Variants in GDAP1L1 observed in about 807,000 individuals in gnomAD.
GDAP1L1 encodes the protein ganglioside induced differentiation associated protein 1 like 1.
GDAP1L1 carries 21 observed loss-of-function variants against 37.1 expected under a neutral mutation model. That is an observed-to-expected ratio of 0.57 (90% confidence interval 0.40 to 0.81). The LOEUF (loss-of-function observed/expected upper bound fraction) is 0.81, where lower values mean the gene tolerates loss of function less well. Among genes scored for constraint, GDAP1L1 ranks in the 40% least tolerant of loss-of-function variants. The pLI is 0.00. For synonymous variants in GDAP1L1, 193 were observed against 209.1 expected, an observed-to-expected ratio of 0.92 and a Z score of 0.67; for missense variants, 362 against 491.6, an observed-to-expected ratio of 0.74 and a Z score of 2.49.
intron 5 of GDAP1L1, among the ~76,000 whole-genome samples, chr20:44,274,641 C>T (rs759830058): frequency 6.7e-6 from 1 of 149,144 alleles, no homozygotes; most frequent in Non-Finnish European, 1.5e-5. Flanking sequence ...TGGTTCTTCT[C>T]CTACCTGAAA....
chr20:44,276,436 G>GAAAGAA (rs1555801172), intron 5 of GDAP1L1, among the ~76,000 whole-genome samples: 6 of 143,882 alleles, frequency 4.2e-5, no homozygotes, highest in Admixed American at 1.5e-4. Flanking sequence ...AAGAAAGAAA[G>GAAAGAA]AAAGAAAGAA....
intron 3 of GDAP1L1, among the ~76,000 whole-genome samples, chr20:44,260,318 A>G (rs2073649423): frequency 6.6e-6 from 1 of 151,192 alleles, no homozygotes; most frequent in Non-Finnish European, 1.5e-5. Context: ...GTGTGCTCTC[A>G]TTAGTACTCA....
chr20:44,279,573 T>C lies in GDAP1L1; in HGVS notation c.*273T>C. 1 of 575,530 alleles carries C rather than the reference T, an allele frequency of 1.7e-6. No homozygotes were observed. Among genetic ancestry groups the C allele is most frequent in the Non-Finnish European group, 3.4e-6 (1 of 295,470 alleles). The allele number at this position is 575,530 out of a possible 1,614,324, so 35.7% of individuals were successfully genotyped here. ...ACAGAAAACACGAATGCCTTTTCTA[T>C]CGATTCAAGGTCTCAAGATGGAACT... On this transcript the variant is annotated 3_prime_UTR_variant, in exon 6 of 6. Transcript: ENST00000342560.
chr20:44,270,064 A>G (rs889912139), intron 5 of GDAP1L1, among the ~76,000 whole-genome samples: 1 of 152,184 alleles, frequency 6.6e-6, no homozygotes, highest in Non-Finnish European at 1.5e-5. Context: ...GGATGTTTTC[A>G]TCGAGGAAGA....
rs182365514 is a variant in GDAP1L1 at position 44,258,625 on chromosome 20, G to T, written c.547+18G>T. 1.3e-6 allele frequency: 2 copies of T among 1,568,590 alleles called. No individual in the cohort carries two copies. The highest frequency in any genetic ancestry group is 1.7e-6 in the Non-Finnish European group (2 of 1,150,880). On this transcript the variant is annotated intron_variant, in intron 3 of 5. Coordinates refer to ENST00000342560, the MANE Select transcript of GDAP1L1 (RefSeq NM_024034.6). ...GATCCGCAGTGAGTGCCAGGGCGGC[G>T]AGACAGCCCCTCTGCTTTCCCCCTT... is the stretch of plus-strand genomic sequence containing the variant.
rs1330716602 is a variant in GDAP1L1 at position 44,278,964 on chromosome 20, A to G, written c.768A>G (p.Lys256=). The G allele has an allele frequency of 1.2e-6, 2 of 1,610,946 alleles. No homozygotes were observed. Among genetic ancestry groups the G allele is most frequent in the Non-Finnish European group, 1.7e-6 (2 of 1,177,598 alleles). Residue 256 remains lysine, a synonymous_variant, in exon 6 of 6, where the codon AAA becomes AAG. Coordinates refer to ENST00000342560, the MANE Select transcript of GDAP1L1 (RefSeq NM_024034.6). ...EKRKLENEGQ[K]CELWLCGCAF... ...CTCTTTCTTCCACTCTAGGGCAGAA[A>G]TGCGAGCTGTGGCTCTGTGGCTGTG...
Position 44,263,343 on chromosome 20 carries a change from C to T in GDAP1L1, c.645+16C>T, listed in dbSNP as rs901473948. The T allele has an allele frequency of 6.5e-7, 1 of 1,529,638 alleles. No individual in the cohort carries two copies. Among genetic ancestry groups the T allele is most frequent in the African/African-American group, 1.4e-5 (1 of 73,314 alleles). 94.8% of individuals were successfully genotyped at this position (1,529,638 alleles called of 1,614,324 possible). On this transcript the variant is annotated intron_variant, in intron 4 of 5. Coordinates refer to ENST00000342560, the MANE Select transcript of GDAP1L1 (RefSeq NM_024034.6). ...GAAGCTCATGGTGAGTACCTCCCGG[C>T]CTGCTGAGTCCCCTTCCCTACGAGC...
chr20:44,257,084 C>G lies in GDAP1L1; in HGVS notation c.181-69C>G, dbSNP rs981845024. ...CCTCTGACCTCCCTCCCCGCACACC[C>G]CCGCCCCACCTGGGCAGAGTGTCCC... On this transcript the variant is annotated intron_variant, in intron 1 of 5. Transcript: ENST00000342560. 1.2e-5 allele frequency: 17 copies of G among 1,464,570 alleles called. No homozygotes were observed. The African/African-American group carries it at 2.4e-4, about 20-fold the overall frequency. The allele number at this position is 1,464,570 out of a possible 1,614,324, so 90.7% of individuals were successfully genotyped here.
At chr20:44,249,063 T>A (rs1600522679) in intron 1 of GDAP1L1, among the ~76,000 whole-genome samples, 1 of 149,412 alleles carries the variant, frequency 6.7e-6, no homozygotes, top group East Asian at 2.0e-4. Context: ...TGAGACAGAG[T>A]CTTGCTCTGT....
At chr20:44,268,318 A>C (rs1449055946) in intron 5 of GDAP1L1, among the ~76,000 whole-genome samples, 2 of 152,222 alleles carry the variant, frequency 1.3e-5, no homozygotes, top group African/African-American at 4.8e-5. Context: ...TGCTGGTGGA[A>C]GATTTGTTAA....
intron 5 of GDAP1L1, chr20:44,265,436 T>G: frequency 3.0e-6 from 3 of 985,414 alleles, no homozygotes; most frequent in South Asian, 9.4e-5. Flanking sequence ...CAATGCAAAT[T>G]TATGGTGCAT....
At chr20:44,247,701 TG>T (rs2073358814) in intron 1 of GDAP1L1, among the ~76,000 whole-genome samples, 187 bp downstream of exon 1, 1 of 141,102 alleles carries the variant, frequency 7.1e-6, no homozygotes, top group Non-Finnish European at 1.5e-5. Context: ...AGGCCCTGTC[TG>T]GGCCCCAGGA....
At chr20:44,270,348 T>G (rs1414989192) in intron 5 of GDAP1L1, among the ~76,000 whole-genome samples, 1 of 151,672 alleles carries the variant, frequency 6.6e-6, no homozygotes, top group Non-Finnish European at 1.5e-5. Flanking sequence ...TTTTTTGTAT[T>G]TTTAGTAGAG....
At chr20:44,278,861 G>T in intron 5 of GDAP1L1, 96 bp from the exon 6 acceptor site, 1 of 763,004 alleles carries the variant, frequency 1.3e-6, no homozygotes, top group South Asian at 1.7e-5. Context: ...GAAAATACTG[G>T]GGCAGGCATG....
intron 5 of GDAP1L1, 140 bp downstream of exon 5, chr20:44,264,699 A>G (rs1309144495): frequency 6.8e-7 from 1 of 1,479,464 alleles, no homozygotes; most frequent in Non-Finnish European, 9.1e-7. Context: ...GAGTCAGACT[A>G]AGGTTCAAGT....
chr20:44,258,679 C>A, intron 3 of GDAP1L1, 72 bp downstream of exon 3: 1 of 1,108,686 alleles, frequency 9.0e-7, no homozygotes, highest in Non-Finnish European at 1.3e-6. Context: ...CAAAGGATGT[C>A]CTCCCTCTCC....
intron 4 of GDAP1L1, 55 bp downstream of exon 4, chr20:44,263,382 T>A (rs577728113): frequency 1.7e-6 from 2 of 1,182,790 alleles, no homozygotes; most frequent in Non-Finnish European, 2.5e-6. Context: ...TCCACGGAAA[T>A]GAACAATAGG....
At chr20:44,247,128 C>A, upstream of GDAP1L1, 2 of 603,554 alleles carry the variant, frequency 3.3e-6, no homozygotes, top group Non-Finnish European at 5.8e-6. Flanking sequence ...GGGCTGGCGG[C>A]TTTTCTGGCG....
chr20:44,278,923 C>A, intron 5 of GDAP1L1, 34 bp from the exon 6 acceptor site: 1 of 1,415,804 alleles, frequency 7.1e-7, no homozygotes, highest in South Asian at 1.2e-5. Flanking sequence ...TTAGGGGAGG[C>A]TGATCCCCTT....
Sources: allele counts gnomAD v4.1 joint callset (sites outside exome capture counted in the v4.1 genomes callset), GRCh38; gene constraint gnomAD v4.1.1; transcripts MANE v1.5; gene names NCBI Gene and HGNC (gene_info 2026-07-23, HGNC 2026-07-21).